Variants in CHD1 observed in about 807,000 individuals in gnomAD.
The protein encoded by CHD1 is chromodomain helicase DNA binding protein 1.
Under a neutral mutation model 224.2 loss-of-function variants are expected in CHD1, and 36 were observed. The observed-to-expected ratio is 0.16, with a 90% confidence interval of 0.12 to 0.21. The LOEUF is 0.21. CHD1 is among the 10% of genes least tolerant of loss of function. The probability of loss-of-function intolerance (pLI) is 1.00; values close to 1 mark genes in which losing one functional copy is unlikely to be tolerated. For synonymous variants in CHD1, 668 were observed against 658.3 expected (o/e 1.01, Z -0.23); for missense variants, 1,378 against 1,994.8 (o/e 0.69, Z 5.89).
At chr5:98,906,779 G>A (rs749931972) in intron 2 of CHD1, among the ~76,000 whole-genome samples, 2 of 152,192 alleles carry the variant, frequency 1.3e-5, no homozygotes, top group Non-Finnish European at 2.9e-5. Flanking sequence ...TTTGAGGAAT[G>A]TGAGTTCTAT....
chr5:98,885,382 A>G (rs1750580026), intron 18 of CHD1, among the ~76,000 whole-genome samples, 196 bp downstream of exon 18: 1 of 152,198 alleles, frequency 6.6e-6, no homozygotes, highest in Admixed American at 6.5e-5. Flanking sequence ...ACAGAGTGAG[A>G]CTCTGTCTCA....
At chr5:98,872,293 T>C in intron 27 of CHD1, 92 bp from the exon 28 acceptor site, 1 of 1,479,528 alleles carries the variant, frequency 6.8e-7, no homozygotes, top group Non-Finnish European at 9.2e-7. Context: ...AACTTCAAAA[T>C]AATATGCTTT....
intron 1 of CHD1, among the ~76,000 whole-genome samples, chr5:98,927,567 ACT>A (rs770665547): frequency 6.6e-6 from 1 of 152,188 alleles, no homozygotes; most frequent in Non-Finnish European, 1.5e-5. Flanking sequence ...TGTCCAGTAG[ACT>A]CTGCAAGAAC....
chr5:98,885,959 AC>A, intron 17 of CHD1: 1 of 258,632 alleles, frequency 3.9e-6, no homozygotes, highest in Non-Finnish European at 7.3e-6. Flanking sequence ...TCATATCATG[AC>A]ATGATATACT....
At chr5:98,920,484 C>A (rs1247344142) in intron 2 of CHD1, among the ~76,000 whole-genome samples, 2 of 152,102 alleles carry the variant, frequency 1.3e-5, no homozygotes, top group African/African-American at 4.8e-5. Context: ...AAACCAATAA[C>A]CCTAGTTTAT....
At chr5:98,858,942 C>A in intron 34 of CHD1, 22 bp downstream of exon 34, 9 of 1,460,410 alleles carry the variant, frequency 6.2e-6, no homozygotes, top group Admixed American at 2.7e-5. Context: ...ATTTATTTTC[C>A]CAATCAGTAA....
At chr5:98,928,186 C>G (rs925446596) in intron 1 of CHD1, among the ~76,000 whole-genome samples, 1 of 151,608 alleles carries the variant, frequency 6.6e-6, no homozygotes, top group African/African-American at 2.4e-5. Flanking sequence ...GCCCCCTCCC[C>G]CTCCCGCCGC....
At chr5:98,920,277 T>C (rs1753005793) in intron 2 of CHD1, among the ~76,000 whole-genome samples, 2 of 152,120 alleles carry the variant, frequency 1.3e-5, no homozygotes, top group African/African-American at 4.8e-5. Context: ...CCAACCCTCT[T>C]GAAAGTAGGC....
intron 32 of CHD1, among the ~76,000 whole-genome samples, chr5:98,861,179 G>C (rs325204): frequency 0.14 from 20,851 of 152,098 alleles, 1,810 homozygotes; most frequent in Middle Eastern, 0.27. Context: ...TGTTTCCTTT[G>C]TCATTCTCCA....
rs749154860 is a variant in CHD1, at chr5:98,856,555, T to C, written c.4958A>G (p.Lys1653Arg). The C allele has an allele frequency of 6.2e-7, 1 of 1,613,842 alleles. No homozygotes were observed. Among genetic ancestry groups the C allele is most frequent in the Non-Finnish European group, 8.5e-7 (1 of 1,179,822 alleles). ...GTGATACCTATAATCCCTGGAAGAT[T>C]TATGGTGCGTATATTCAGAACTTGA... The part of the protein sequence containing the change: ...HRSSSEYTHH[K>R]SSRDYRYHSD... The change falls in exon 36 of 36, where the codon AAA becomes AGA. Residue 1653 changes from lysine (K) to arginine (R), a missense_variant. Lys to Arg is a conservative substitution (Grantham distance 26). Transcript: ENST00000614616.
intron 2 of CHD1, among the ~76,000 whole-genome samples, chr5:98,918,224 A>AT (rs1229640791): frequency 2.6e-5 from 4 of 151,078 alleles, no homozygotes; most frequent in African/African-American, 9.7e-5. Context: ...CGCCCAGCTA[A>AT]TTTTTTTGTA....
chr5:98,897,447 T>C (rs1386402351), intron 10 of CHD1, 127 bp from the exon 11 acceptor site: 7 of 639,702 alleles, frequency 1.1e-5, no homozygotes, highest in Non-Finnish European at 1.8e-5. Context: ...AGAGATTCCA[T>C]TACTCAAAAT....
chr5:98,904,227 T>C (rs1274595505), intron 3 of CHD1, among the ~76,000 whole-genome samples: 1 of 152,136 alleles, frequency 6.6e-6, no homozygotes, highest in Non-Finnish European at 1.5e-5. Context: ...AGAGGCTGAG[T>C]CAGAATATAC....
Position 98,896,458 on chromosome 5 carries a change from A to C in CHD1, c.1494-16T>G. 1.3e-6 allele frequency: 2 copies of C among 1,562,334 alleles called. No individual in the cohort carries two copies. The highest frequency in any genetic ancestry group is 1.8e-6 in the Non-Finnish European group (2 of 1,139,444). ...ACTATTTCCTCTACAAAGTTAAAAAAAAATTAGCATGCAAGGAAATATTCA... is the reference window on the plus strand; with the variant it reads ...ACTATTTCCTCTACAAAGTTAAAAACAAATTAGCATGCAAGGAAATATTCA... On this transcript the variant is annotated splice_polypyrimidine_tract_variant and intron_variant, in intron 11 of 35. Coordinates refer to ENST00000614616, the MANE Select transcript of CHD1 (RefSeq NM_001270.4).
At chr5:98,915,753 T>C (rs1752691549) in intron 2 of CHD1, among the ~76,000 whole-genome samples, 3 of 152,114 alleles carry the variant, frequency 2.0e-5, no homozygotes, top group South Asian at 2.1e-4. Flanking sequence ...AGTTAAGAGA[T>C]TAAATTAGAT....
At chr5:98,894,568 A>C in intron 13 of CHD1, 29 bp downstream of exon 13, 1 of 909,596 alleles carries the variant, frequency 1.1e-6, no homozygotes, top group South Asian at 1.7e-5. Flanking sequence ...TATACAAGAG[A>C]CCAAAACACG....
chr5:98,869,620 GCGCACACACACACA>G (rs1358645662), intron 30 of CHD1, 120 bp downstream of exon 30: 5 of 754,048 alleles, frequency 6.6e-6, no homozygotes, highest in African/African-American at 2.6e-5. Flanking sequence ...GCACGTGCGC[GCGCACACACACACA>G]CACACACACA....
chr5:98,910,654 A>C (rs1752329496), intron 2 of CHD1, among the ~76,000 whole-genome samples: 2 of 152,164 alleles, frequency 1.3e-5, no homozygotes, highest in Non-Finnish European at 2.9e-5. Flanking sequence ...AATTACGAAT[A>C]AGAATGTTTA....
In CHD1 at chr5:98,928,618, A is replaced by T. The variant is rs1190169785; in HGVS notation, c.-228T>A. On this transcript the variant is annotated 5_prime_UTR_variant, in exon 1 of 36. Coordinates refer to ENST00000614616, the MANE Select transcript of CHD1 (RefSeq NM_001270.4). Reference sequence around the variant, plus strand: ...CCCAGGCCCGGGATCTCCGCCGCCCAGTCCTAGGGCTCCGGCGTCTCGGGG... The same window carrying T: ...CCCAGGCCCGGGATCTCCGCCGCCCTGTCCTAGGGCTCCGGCGTCTCGGGG... 2.0e-5 allele frequency: 3 copies of T among 151,846 alleles called. No individual in the cohort carries two copies. The highest frequency in any genetic ancestry group is 7.3e-5 in the African/African-American group (3 of 41,276). The allele number at this position is 151,846 out of a possible 1,614,324, so 9.4% of individuals were successfully genotyped here.
Sources: gnomAD v4.1 joint callset for allele counts (sites outside exome capture counted in the v4.1 genomes callset) on GRCh38, gnomAD v4.1.1 for gene constraint, MANE v1.5 for transcripts, NCBI Gene and HGNC (gene_info 2026-07-23, HGNC 2026-07-21) for gene names.